CTNNA3: variants seen among roughly 807,000 people sequenced by gnomAD.
CTNNA3 encodes the protein catenin alpha-3.
A neutral mutation model predicts 95.7 loss-of-function variants in CTNNA3; 76 were observed. The ratio of observed to expected loss-of-function variants is 0.79; its 90% CI spans 0.66 to 0.96. The LOEUF (loss-of-function observed/expected upper bound fraction) is 0.96, where lower values mean the gene tolerates loss of function less well. Ranked by LOEUF, CTNNA3 falls within the 40% of genes least tolerant of loss-of-function variation. The probability of loss-of-function intolerance (pLI) is 0.00; values close to 1 mark genes in which losing one functional copy is unlikely to be tolerated. For synonymous variants in CTNNA3, 431 were observed against 374.4 expected (o/e 1.15, Z -1.74); for missense variants, 1,191 against 1,089.8 (o/e 1.09, Z -1.31).
At chr10:66,200,425 C>T (rs958693491) in intron 13 of CTNNA3, among the ~76,000 whole-genome samples, 2 of 152,086 alleles carry the variant, frequency 1.3e-5, no homozygotes, top group African/African-American at 2.4e-5. Flanking sequence ...ATTACCTGAC[C>T]GCCAGTTCTT....
chr10:67,551,305 G>A (rs149571618), intron 3 of CTNNA3, among the ~76,000 whole-genome samples: 51 of 152,260 alleles, frequency 3.3e-4, no homozygotes, highest in African/African-American at 1.0e-3. Flanking sequence ...AGACCCGCAG[G>A]CCATCGACCG....
At chr10:67,435,379 T>C (rs1846268657) in intron 5 of CTNNA3, among the ~76,000 whole-genome samples, 1 of 151,732 alleles carries the variant, frequency 6.6e-6, no homozygotes, top group African/African-American at 2.4e-5. Flanking sequence ...CAATATAACA[T>C]TGAATAAGGA....
At chr10:67,658,365 T>TG (rs1840085446) in intron 1 of CTNNA3, among the ~76,000 whole-genome samples, 1 of 152,192 alleles carries the variant, frequency 6.6e-6, no homozygotes, top group African/African-American at 2.4e-5. Flanking sequence ...GTTGATATCA[T>TG]TATCCCCTTT....
Position 66,289,359 on chromosome 10 carries a change from G to T in CTNNA3, c.1733-8738C>A, listed in dbSNP as rs1466406640. 3.1e-5 allele frequency among the ~76,000 whole-genome samples: 2 copies of T among 65,388 alleles called. 1 individual carries two copies. Among genetic ancestry groups the T allele is most frequent in the African/African-American group, 1.3e-4 (2 of 15,528 alleles). 42.9% of individuals were successfully genotyped at this position (65,388 alleles called of 152,430 possible). A position where few individuals can be genotyped will look rare whatever the true frequency, so the allele number is the denominator to read the frequency against. On this transcript the variant is annotated intron_variant, in intron 12 of 17. Transcript: ENST00000433211. ...ATCCCAGCACTTTGGAAACAAACAA[G>T]AAAGATTTTTAAAGAATAAATTTAT...
chr10:66,783,692 T>C (rs1840631078), intron 7 of CTNNA3, among the ~76,000 whole-genome samples: 2 of 152,330 alleles, frequency 1.3e-5, no homozygotes, highest in South Asian at 2.1e-4. Context: ...CAGAGTCTAA[T>C]AAGCAATGAC....
At chr10:66,847,920 T>C (rs1269504692) in intron 7 of CTNNA3, among the ~76,000 whole-genome samples, 1 of 152,162 alleles carries the variant, frequency 6.6e-6, no homozygotes, top group Non-Finnish European at 1.5e-5. Flanking sequence ...AATAAATGTC[T>C]TAGAGAGAGA....
Position 66,753,620 on chromosome 10 carries a change from C to T in CTNNA3, c.1281+12644G>A, listed in dbSNP as rs1839248374. Among the ~76,000 whole-genome samples, 5 of 151,628 alleles carry T rather than the reference C, an allele frequency of 3.3e-5. No individual in the cohort carries two copies. In the South Asian group the frequency reaches 1.0e-3, roughly 32 times the overall value. On this transcript the variant is annotated intron_variant, in intron 9 of 17. Transcript: ENST00000433211. ...GAAGTTTCAGTGAGCCGAGATTGCA[C>T]CATTGCACTCTAGCCTCGGCAAAAA...
chr10:67,162,361 A>G (rs1861588854), intron 7 of CTNNA3, among the ~76,000 whole-genome samples: 1 of 152,008 alleles, frequency 6.6e-6, no homozygotes, highest in South Asian at 2.1e-4. Context: ...CCATTAAACT[A>G]TATTAAGATA....
chr10:67,515,490 G>C (rs569795811), intron 5 of CTNNA3, among the ~76,000 whole-genome samples: 14 of 152,274 alleles, frequency 9.2e-5, no homozygotes, highest in Admixed American at 8.5e-4. Flanking sequence ...GTTTGGGTTG[G>C]TTTGAACTTA....
intron 11 of CTNNA3, among the ~76,000 whole-genome samples, chr10:66,420,037 G>A (rs1259180633): frequency 1.3e-5 from 2 of 152,050 alleles, no homozygotes; most frequent in African/African-American, 4.8e-5. Context: ...ATAGACAAAT[G>A]AGACTATATT....
At chr10:67,653,485 C>G (rs1382600612) in intron 1 of CTNNA3, among the ~76,000 whole-genome samples, 7 of 152,108 alleles carry the variant, frequency 4.6e-5, no homozygotes, top group African/African-American at 1.7e-4. Flanking sequence ...TGTTGTTCAA[C>G]AACTATTTAT....
At chr10:66,721,033 G>A (rs1204765690) in intron 9 of CTNNA3, among the ~76,000 whole-genome samples, 2 of 152,126 alleles carry the variant, frequency 1.3e-5, no homozygotes, top group Non-Finnish European at 2.9e-5. Flanking sequence ...TAATTGGTTT[G>A]AGATGGGGCC....
intron 13 of CTNNA3, among the ~76,000 whole-genome samples, chr10:66,123,265 C>G (rs1003584113): frequency 2.0e-5 from 3 of 152,158 alleles, no homozygotes; most frequent in African/African-American, 7.2e-5. Context: ...GGGCTACAGG[C>G]ACCATGCAAG....
chr10:66,875,316 G>A lies in CTNNA3; in HGVS notation c.1048-99792C>T, dbSNP rs143091810. Among the ~76,000 whole-genome samples, 797 of 151,716 alleles carry A rather than the reference G, an allele frequency of 5.3e-3. 7 individuals carry two copies. Among genetic ancestry groups the A allele is most frequent in the African/African-American group, 0.018 (763 of 41,378 alleles). ...GGCTACAGCTGAAAAATAAACCTGG[G>A]TCCTATTCATGGATTCTCATCACAC... is the stretch of plus-strand genomic sequence containing the variant. On this transcript the variant is annotated intron_variant, in intron 7 of 17. Transcript: ENST00000433211.
At chr10:67,169,378 T>C (rs867431274) in intron 7 of CTNNA3, among the ~76,000 whole-genome samples, 1 of 151,102 alleles carries the variant, frequency 6.6e-6, no homozygotes, top group African/African-American at 2.4e-5. Context: ...GTTACCCAAC[T>C]TCAAACTATA....
intron 5 of CTNNA3, among the ~76,000 whole-genome samples, chr10:67,287,076 G>A (rs761331323): frequency 1.3e-5 from 2 of 152,012 alleles, no homozygotes; most frequent in African/African-American, 2.4e-5. Flanking sequence ...GCGGTGGCTC[G>A]TGCTTATAAT....
At chr10:67,102,091 C>T (rs1858379800) in intron 7 of CTNNA3, among the ~76,000 whole-genome samples, 1 of 151,750 alleles carries the variant, frequency 6.6e-6, no homozygotes, top group African/African-American at 2.4e-5. Flanking sequence ...TAACAATCTC[C>T]TAATTCATCA....
chr10:67,376,188 A>G (rs1408150791), intron 5 of CTNNA3, among the ~76,000 whole-genome samples: 1 of 152,240 alleles, frequency 6.6e-6, no homozygotes. Flanking sequence ...GGGAGAAAGC[A>G]GTAGTACTAG....
At chr10:66,763,572 C>T (rs952458000) in intron 9 of CTNNA3, among the ~76,000 whole-genome samples, 1 of 152,026 alleles carries the variant, frequency 6.6e-6, no homozygotes, top group Non-Finnish European at 1.5e-5. Context: ...GCAAATGAAA[C>T]CCTGAGAAGA....
Sources: gnomAD v4.1 joint callset for allele counts (sites outside exome capture counted in the v4.1 genomes callset) on GRCh38, gnomAD v4.1.1 for gene constraint, MANE v1.5 for transcripts, NCBI Gene and HGNC (gene_info 2026-07-23, HGNC 2026-07-21) for gene names.